The following TPRA1 variants were observed in gnomAD, a reference collection of about 807,000 sequenced individuals.
TPRA1 encodes transmembrane protein adipocyte associated 1.
Under a neutral mutation model 40.1 loss-of-function variants are expected in TPRA1, and 28 were observed. That is an observed-to-expected ratio of 0.70 (90% CI 0.52 to 0.96). TPRA1 has a LOEUF of 0.96. Among genes scored for constraint, TPRA1 ranks in the 40% least tolerant of loss-of-function variants. The pLI, the probability that TPRA1 is intolerant of heterozygous loss-of-function variation, is 0.00. For missense variants in TPRA1, 441 were observed against 482.6 expected (o/e 0.91, Z 0.81); for synonymous variants, 219 against 209.7 (o/e 1.04, Z -0.38).
chr3:127,579,523 C>T (rs548286799), intron 3 of TPRA1, among the ~76,000 whole-genome samples: 2 of 152,186 alleles, frequency 1.3e-5, no homozygotes, highest in Non-Finnish European at 2.9e-5. Flanking sequence ...AGGATGTTAG[C>T]TCAAAGTTGC....
Position 127,571,998 on chromosome 3 carries a change from T to C in TPRA1, c.*1523A>G, listed in dbSNP as rs2073389901. Reference sequence around the variant, plus strand: ...CTTACCCCGCTCACTCAGAATGCCGTGAGCTTGCCTTCCCTGATTACCAGG... The same window carrying C: ...CTTACCCCGCTCACTCAGAATGCCGCGAGCTTGCCTTCCCTGATTACCAGG... On this transcript the variant is annotated 3_prime_UTR_variant, in exon 11 of 11. Transcript: ENST00000355552. Among the ~76,000 whole-genome samples the C allele has an allele frequency of 1.3e-5, 2 of 151,604 alleles. No homozygotes were observed. Among genetic ancestry groups the C allele is most frequent in the Admixed American group, 6.6e-5 (1 of 15,236 alleles).
intron 10 of TPRA1, chr3:127,574,982 A>C: frequency 1.6e-6 from 1 of 616,272 alleles, no homozygotes. Context: ...GCACGTGTCC[A>C]TGCACATGTG....
At chr3:127,578,971 G>A (rs1341328952) in intron 3 of TPRA1, among the ~76,000 whole-genome samples, 8 of 151,752 alleles carry the variant, frequency 5.3e-5, no homozygotes, top group East Asian at 1.9e-4. Flanking sequence ...AGCCCGCACC[G>A]GAAGCCTACA....
intron 1 of TPRA1, 149 bp from the exon 2 acceptor site, chr3:127,580,312 G>A (rs1441614562): frequency 1.4e-5 from 12 of 881,896 alleles, no homozygotes; most frequent in Non-Finnish European, 2.0e-5. Flanking sequence ...TCAGTGTGGG[G>A]CTCCACACAG....
intron 1 of TPRA1, among the ~76,000 whole-genome samples, chr3:127,580,744 C>G (rs2107641212): frequency 6.6e-6 from 1 of 152,382 alleles, no homozygotes; most frequent in Admixed American, 6.5e-5. Flanking sequence ...GAGCACCATG[C>G]CCTCCTCGGT....
intron 1 of TPRA1, among the ~76,000 whole-genome samples, chr3:127,581,961 G>T (rs989943107): frequency 2.7e-5 from 4 of 150,914 alleles, no homozygotes; most frequent in Non-Finnish European, 4.4e-5. Context: ...GATTTGTCCC[G>T]ACAACACATC....
At position 127,580,072 on chromosome 3, in the gene TPRA1, A is replaced by G. The variant is rs1193574161; in HGVS notation, c.75T>C (p.Ser25=). ...GCAGCAGCAGGCAGCGATGAGGCAC[A>G]CTGATGTTTGGTGCCAGGGGTGGGG... The part of the protein sequence containing the change: ...ALPPPLAPNI[S]VPHRCLLLLY... Residue 25 remains serine, a synonymous_variant, in exon 2 of 11, where the codon AGT becomes AGC. Transcript: ENST00000355552. The G allele has an allele frequency of 6.2e-7, 1 of 1,613,898 alleles. No individual in the cohort carries two copies.
At chr3:127,597,963 A>G (rs1460648775) in intron 1 of TPRA1, 3 of 193,884 alleles carry the variant, frequency 1.5e-5, no homozygotes, top group Middle Eastern at 2.2e-3. Context: ...CCGTGCCACC[A>G]TGCCCAACTA....
At position 127,573,483 on chromosome 3, in the gene TPRA1, C is replaced by T. The variant is rs2073442048; in HGVS notation, c.*38G>A. On this transcript the variant is annotated 3_prime_UTR_variant, in exon 11 of 11. Coordinates refer to ENST00000355552, the MANE Select transcript of TPRA1 (RefSeq NM_001136053.4). ...TGGGGACTCTGGGCCTGCTGGCCTC[C>T]TCTCTGGCCTGTCCTCCACAGGCCC... is the stretch of plus-strand genomic sequence containing the variant. 6.3e-7 allele frequency: 1 copy of T among 1,579,562 alleles called. No individual in the cohort carries two copies. The highest frequency in any genetic ancestry group is 1.1e-5 in the South Asian group (1 of 87,856).
chr3:127,595,696 A>G (rs769229420), upstream of TPRA1: 1 of 152,182 alleles, frequency 6.6e-6, no homozygotes, highest in East Asian at 1.9e-4. Flanking sequence ...TCTCGCTAAG[A>G]GAATATGGCA....
At position 127,573,479 on chromosome 3, in the gene TPRA1, C is replaced by T. The variant is rs757478577; in HGVS notation, c.*42G>A. ...CCCCTGGGGACTCTGGGCCTGCTGG[C>T]CTCCTCTCTGGCCTGTCCTCCACAG... On this transcript the variant is annotated 3_prime_UTR_variant, in exon 11 of 11. Coordinates refer to ENST00000355552, the MANE Select transcript of TPRA1 (RefSeq NM_001136053.4). 6.3e-7 allele frequency: 1 copy of T among 1,575,472 alleles called. No homozygotes were observed. The highest frequency in any genetic ancestry group is 8.6e-7 in the Non-Finnish European group (1 of 1,159,436).
At chr3:127,574,620 C>A (rs2073515469) in intron 10 of TPRA1, among the ~76,000 whole-genome samples, 1 of 152,224 alleles carries the variant, frequency 6.6e-6, no homozygotes, top group Non-Finnish European at 1.5e-5. Flanking sequence ...CATCTTCTGG[C>A]TCTAGCAGTG....
At chr3:127,592,902 T>C (rs1006934637), upstream of TPRA1, among the ~76,000 whole-genome samples, 1 of 152,260 alleles carries the variant, frequency 6.6e-6, no homozygotes, top group Non-Finnish European at 1.5e-5. Flanking sequence ...CCAGCTCTTG[T>C]CCTGCTTCTG....
At chr3:127,593,410 G>T (rs1337978103), upstream of TPRA1, among the ~76,000 whole-genome samples, 2 of 152,182 alleles carry the variant, frequency 1.3e-5, no homozygotes, top group Admixed American at 6.5e-5. Context: ...CAAAGTGGGT[G>T]CAACTGTCAT....
rs1559831839 is a variant in TPRA1, at chr3:127,575,247, G to A, written c.792C>T (p.Thr264=). Residue 264 remains threonine, a synonymous_variant, in exon 10 of 11, where the codon ACC becomes ACT. Transcript: ENST00000355552. ...GAGCGAAGAAGCTGAAGTACAGGAA[G>A]GTTGTGGCATCTACACAGCTGCGGA... ...IEGLCCVDAT[T]FLYFSFFAPL... 12 of 1,613,880 alleles carry A rather than the reference G, an allele frequency of 7.4e-6. No individual in the cohort carries two copies. The highest frequency in any genetic ancestry group is 3.3e-5 in the South Asian group (3 of 91,070).
intron 1 of TPRA1, among the ~76,000 whole-genome samples, chr3:127,582,066 T>C (rs1390200252): frequency 6.6e-6 from 1 of 152,196 alleles, no homozygotes; most frequent in Admixed American, 6.5e-5. Flanking sequence ...CCTGCTTGTG[T>C]TGTCACCAAA....
At chr3:127,593,178 C>G (rs535236172), upstream of TPRA1, among the ~76,000 whole-genome samples, 4 of 152,300 alleles carry the variant, frequency 2.6e-5, no homozygotes, top group East Asian at 7.7e-4. Context: ...ACTGCAGTAT[C>G]CACTACACAC....
rs1480069100 is a variant in TPRA1 at position 127,575,010 on chromosome 3, C to A, written c.854+175G>T. The A allele has an allele frequency of 5.8e-6, 4 of 684,906 alleles. No homozygotes were observed. In the Admixed American group the frequency reaches 8.7e-5, roughly 15 times the overall value. The allele number at this position is 684,906 out of a possible 1,614,324, so 42.4% of individuals were successfully genotyped here. On this transcript the variant is annotated intron_variant, in intron 10 of 10. Coordinates refer to ENST00000355552, the MANE Select transcript of TPRA1 (RefSeq NM_001136053.4). ...CACATGTGGGTGGGTGTGCGTATAT[C>A]TGTGTGCATGTGCATGTGTATCTGT...
rs757502850 is a variant in TPRA1 at position 127,572,050 on chromosome 3, T to C, written c.*1471A>G. Among the ~76,000 whole-genome samples, 12 of 152,042 alleles carry C rather than the reference T, an allele frequency of 7.9e-5. No homozygotes were observed. The highest frequency in any genetic ancestry group is 2.9e-4 in the African/African-American group (12 of 41,402). ...TTTTACATGAGCTGAGAGGCCCCGA[T>C]AAAGTATGCCATTCAGGGGCACCCT... On this transcript the variant is annotated 3_prime_UTR_variant, in exon 11 of 11. Coordinates refer to ENST00000355552, the MANE Select transcript of TPRA1 (RefSeq NM_001136053.4).
Sources: gnomAD v4.1 joint callset for allele counts (sites outside exome capture counted in the v4.1 genomes callset) on GRCh38, gnomAD v4.1.1 for gene constraint, MANE v1.5 for transcripts, NCBI Gene and HGNC (gene_info 2026-07-23, HGNC 2026-07-21) for gene names.